ZNF521: variants seen among roughly 807,000 people sequenced by gnomAD.
The protein encoded by ZNF521 is LYST-interacting protein 3.
Under a neutral mutation model 105.5 loss-of-function variants are expected in ZNF521, and 14 were observed. The ratio of observed to expected loss-of-function variants is 0.13; its 90% CI spans 0.09 to 0.21. ZNF521 has a LOEUF of 0.21. Ranked by LOEUF, ZNF521 falls within the 10% of genes least tolerant of loss-of-function variation. The pLI is 1.00. For synonymous variants in ZNF521, 635 were observed against 606.0 expected (o/e 1.05, Z -0.70); for missense variants, 1,233 against 1,629.7 (o/e 0.76, Z 4.19).
In ZNF521 at chr18:25,224,645, A is replaced by G. The variant is rs761360430; in HGVS notation, c.3273T>C (p.Gly1091=). 1 of 1,613,984 alleles carries G rather than the reference A, an allele frequency of 6.2e-7. No individual in the cohort carries two copies. The highest frequency in any genetic ancestry group is 8.5e-7 in the Non-Finnish European group (1 of 1,179,992). The change falls in exon 4 of 8, where the codon GGT becomes GGC. Residue 1091 remains glycine, a synonymous_variant. Coordinates refer to ENST00000361524, the MANE Select transcript of ZNF521 (RefSeq NM_015461.3). ...TGAGATTCACGCAGCCGGCACACAGACCATATGGCAGGCCATTGATATCAA... is the reference window on the plus strand; with the variant it reads ...TGAGATTCACGCAGCCGGCACACAGGCCATATGGCAGGCCATTGATATCAA... The part of the protein sequence containing the change: ...VKLDINGLPY[G]LCAGCVNLSK...
intron 3 of ZNF521, among the ~76,000 whole-genome samples, chr18:25,263,853 C>T (rs978025403): frequency 2.6e-5 from 4 of 152,158 alleles, no homozygotes; most frequent in African/African-American, 9.7e-5. Flanking sequence ...ACTAGGATTA[C>T]AGGCATAAGC....
intron 3 of ZNF521, among the ~76,000 whole-genome samples, chr18:25,242,231 C>G (rs987548592): frequency 9.2e-5 from 14 of 152,152 alleles, no homozygotes; most frequent in African/African-American, 3.4e-4. Flanking sequence ...ACTCAATAGC[C>G]TGTGTCATCA....
intron 3 of ZNF521, among the ~76,000 whole-genome samples, chr18:25,278,045 T>G (rs1910145200): frequency 6.6e-6 from 1 of 152,178 alleles, no homozygotes; most frequent in African/African-American, 2.4e-5. Flanking sequence ...TGTACTTCCT[T>G]ACCTCCATCA....
intron 5 of ZNF521, among the ~76,000 whole-genome samples, chr18:25,185,604 A>G (rs2035707565): frequency 6.6e-6 from 1 of 152,320 alleles, no homozygotes; most frequent in South Asian, 2.1e-4. Flanking sequence ...CTTCATTACA[A>G]TACAGCATAT....
chr18:25,108,830 A>G (rs7241580), intron 5 of ZNF521, among the ~76,000 whole-genome samples: 142,466 of 152,146 alleles, frequency 0.94, 66,961 homozygotes, highest in Non-Finnish European at 0.98. Flanking sequence ...TCGCCATAGT[A>G]GCCAGGATGG....
chr18:25,333,126 T>C (rs1455165529), intron 2 of ZNF521, among the ~76,000 whole-genome samples: 2 of 151,786 alleles, frequency 1.3e-5, no homozygotes, highest in Non-Finnish European at 2.9e-5. Flanking sequence ...TATAATGCTA[T>C]ATGTAAACAT....
At chr18:25,176,695 C>T (rs757832694) in intron 5 of ZNF521, among the ~76,000 whole-genome samples, 2 of 152,198 alleles carry the variant, frequency 1.3e-5, no homozygotes, top group South Asian at 2.1e-4. Context: ...CAACTGGCAG[C>T]GAAGCCTACA....
At chr18:25,222,075 T>G (rs576348957) in intron 4 of ZNF521, among the ~76,000 whole-genome samples, 1 of 152,224 alleles carries the variant, frequency 6.6e-6, no homozygotes, top group African/African-American at 2.4e-5. Context: ...TGAAACTAAA[T>G]CCTAATATCT....
chr18:25,345,798 G>A (rs1220103674), intron 2 of ZNF521, among the ~76,000 whole-genome samples: 1 of 152,166 alleles, frequency 6.6e-6, no homozygotes, highest in Non-Finnish European at 1.5e-5. Context: ...GGAAGAAACA[G>A]TCACTGGTTG....
Position 25,092,192 on chromosome 18 carries a change from A to G in ZNF521, c.3659-111T>C. On this transcript the variant is annotated intron_variant, in intron 5 of 7. Coordinates refer to ENST00000361524, the MANE Select transcript of ZNF521 (RefSeq NM_015461.3). ...AAACTATTTCCATCACCTAATATAC[A>G]TATGTAGTATTATATATGGTTTCTG... The G allele has an allele frequency of 2.5e-6, 3 of 1,191,226 alleles. No individual in the cohort carries two copies. In the South Asian group the frequency reaches 4.8e-5, roughly 19 times the overall value. 73.8% of individuals were successfully genotyped at this position (1,191,226 alleles called of 1,614,324 possible).
At chr18:25,246,429 A>C (rs1454557154) in intron 3 of ZNF521, among the ~76,000 whole-genome samples, 1 of 152,216 alleles carries the variant, frequency 6.6e-6, no homozygotes, top group African/African-American at 2.4e-5. Context: ...AATAGACAAG[A>C]ATCATTCTCT....
chr18:25,343,778 G>T lies in ZNF521; in HGVS notation c.40+7129C>A, dbSNP rs115904303. 7.8e-3 allele frequency among the ~76,000 whole-genome samples: 1,184 copies of T among 152,014 alleles called. 16 individuals are homozygous for T. The highest frequency in any genetic ancestry group is 0.027 in the African/African-American group (1,112 of 41,444). ...TTTTCAAAGCATTTACTATCCCATA[G>T]AATTAAAAGAGATGCTGCCCCAAAA... is the stretch of plus-strand genomic sequence containing the variant. On this transcript the variant is annotated intron_variant, in intron 2 of 7. Transcript: ENST00000361524.
chr18:25,105,471 G>A (rs2034053266), intron 5 of ZNF521, among the ~76,000 whole-genome samples: 1 of 152,100 alleles, frequency 6.6e-6, no homozygotes, highest in African/African-American at 2.4e-5. Context: ...ATAAAAATGA[G>A]ACTCTTATTG....
At chr18:25,108,593 G>C (rs1486192747) in intron 5 of ZNF521, among the ~76,000 whole-genome samples, 1 of 152,084 alleles carries the variant, frequency 6.6e-6, no homozygotes, top group African/African-American at 2.4e-5. Context: ...GGAATTTCCA[G>C]TTACCAAATA....
intron 3 of ZNF521, among the ~76,000 whole-genome samples, chr18:25,240,811 A>G (rs962654244): frequency 6.6e-6 from 1 of 152,028 alleles, no homozygotes; most frequent in Non-Finnish European, 1.5e-5. Context: ...TAAAAACCCC[A>G]TGGAAGCTGG....
chr18:25,114,231 A>G lies in ZNF521; in HGVS notation c.3659-22150T>C, dbSNP rs111662899. ...TATTTATCCTTTGGCAAGATGGGAT[A>G]TAGATATCCACAGTGCAAACCTTTC... On this transcript the variant is annotated intron_variant, in intron 5 of 7. Coordinates refer to ENST00000361524, the MANE Select transcript of ZNF521 (RefSeq NM_015461.3). Among the ~76,000 whole-genome samples the G allele has an allele frequency of 3.1e-3, 466 of 152,324 alleles. 1 individual carries two copies. Among genetic ancestry groups the G allele is most frequent in the South Asian group, 6.4e-3 (31 of 4,826 alleles).
At chr18:25,196,860 C>G (rs943995380) in intron 4 of ZNF521, among the ~76,000 whole-genome samples, 1 of 151,782 alleles carries the variant, frequency 6.6e-6, no homozygotes, top group Non-Finnish European at 1.5e-5. Context: ...TAGCATACTT[C>G]TAGCATTATT....
chr18:25,235,139 C>G (rs192581335), intron 3 of ZNF521, among the ~76,000 whole-genome samples: 1 of 152,150 alleles, frequency 6.6e-6, no homozygotes, highest in Non-Finnish European at 1.5e-5. Flanking sequence ...AACGAAAGGG[C>G]CTGCATTCAA....
chr18:25,199,511 TG>T (rs1283664025), intron 4 of ZNF521, among the ~76,000 whole-genome samples: 3 of 151,980 alleles, frequency 2.0e-5, no homozygotes, highest in Non-Finnish European at 4.4e-5. Context: ...TGGGGTCATG[TG>T]GGTAAACATT....
Sources: gnomAD v4.1 joint callset for allele counts (sites outside exome capture counted in the v4.1 genomes callset) on GRCh38, gnomAD v4.1.1 for gene constraint, MANE v1.5 for transcripts, NCBI Gene and HGNC (gene_info 2026-07-23, HGNC 2026-07-21) for gene names.